Variants in CACNG2 observed in about 807,000 individuals in gnomAD.
The protein encoded by CACNG2 is calcium voltage-gated channel auxiliary subunit gamma 2.
Under a neutral mutation model 25.9 loss-of-function variants are expected in CACNG2, and 3 were observed. The ratio of observed to expected loss-of-function variants is 0.12; its 90% CI spans 0.05 to 0.30. CACNG2 has a LOEUF of 0.30. Ranked by LOEUF, CACNG2 falls within the 10% of genes least tolerant of loss-of-function variation. CACNG2 has a pLI of 1.00. For synonymous variants in CACNG2, 167 were observed against 173.3 expected (o/e 0.96, Z 0.29); for missense variants, 341 against 432.5 (o/e 0.79, Z 1.88).
intron 1 of CACNG2, among the ~76,000 whole-genome samples, chr22:36,652,510 A>AC (rs971521787): frequency 5.9e-5 from 9 of 152,036 alleles, no homozygotes; most frequent in African/African-American, 2.2e-4. Context: ...GGTCTTGCTC[A>AC]CCCTCAGGCC....
At position 36,702,354 on chromosome 22, in the gene CACNG2, G is replaced by T; in HGVS notation, c.211+12C>A. 6.3e-7 allele frequency: 1 copy of T among 1,596,426 alleles called. No homozygotes were observed. Among genetic ancestry groups the T allele is most frequent in the African/African-American group, 1.3e-5 (1 of 74,492 alleles). On this transcript the variant is annotated intron_variant, in intron 1 of 3. Transcript: ENST00000300105. The stretch of plus-strand genomic sequence containing the variant: ...GGGGTGGAGAGGGGGGAGGAGATGG[G>T]AAGTCAAGTACCTTCTAGGCAGCAG...
intron 3 of CACNG2, among the ~76,000 whole-genome samples, chr22:36,565,275 G>C (rs1356167827): frequency 6.6e-6 from 1 of 152,214 alleles, no homozygotes; most frequent in East Asian, 1.9e-4. Flanking sequence ...ACTTGCTTAA[G>C]GCTGCACAGG....
At chr22:36,626,776 T>C (rs962999965) in intron 1 of CACNG2, among the ~76,000 whole-genome samples, 2 of 152,202 alleles carry the variant, frequency 1.3e-5, no homozygotes, top group African/African-American at 4.8e-5. Flanking sequence ...TAAGAGTCTG[T>C]AGCTATACAT....
At position 36,625,179 on chromosome 22, in the gene CACNG2, C is replaced by T. The variant is rs540049256; in HGVS notation, c.212-37631G>A. ...CAATCCCTGGCAGGGGAATGCAGGA[C>T]GTTTCAAAAATTAAAATAGTTTCTG... is the stretch of plus-strand genomic sequence containing the variant. On this transcript the variant is annotated intron_variant, in intron 1 of 3. Transcript: ENST00000300105. Among the ~76,000 whole-genome samples the T allele has an allele frequency of 5.3e-5, 8 of 152,122 alleles. No individual in the cohort carries two copies. In the South Asian group the frequency reaches 8.3e-4, roughly 16 times the overall value.
At chr22:36,697,524 T>C (rs1937355707) in intron 1 of CACNG2, among the ~76,000 whole-genome samples, 1 of 152,228 alleles carries the variant, frequency 6.6e-6, no homozygotes, top group Non-Finnish European at 1.5e-5. Context: ...CTGCCTGCCA[T>C]GTGACTTTGG....
At chr22:36,667,617 G>A (rs969062327) in intron 1 of CACNG2, among the ~76,000 whole-genome samples, 3 of 152,134 alleles carry the variant, frequency 2.0e-5, no homozygotes, top group South Asian at 2.1e-4. Flanking sequence ...TGGGAGATAC[G>A]GAACCCACGG....
chr22:36,680,376 TACC>T (rs1163137421), intron 1 of CACNG2, among the ~76,000 whole-genome samples: 1 of 100,206 alleles, frequency 1.0e-5, no homozygotes, highest in Non-Finnish European at 2.1e-5. Flanking sequence ...TCATCACCAT[TACC>T]ACCACCATCA....
At chr22:36,687,378 G>A (rs1278349270) in intron 1 of CACNG2, among the ~76,000 whole-genome samples, 1 of 152,168 alleles carries the variant, frequency 6.6e-6, no homozygotes, top group African/African-American at 2.4e-5. Flanking sequence ...TCTTCCAGGT[G>A]TACTATTCCA....
At chr22:36,699,171 A>G (rs561633331) in intron 1 of CACNG2, among the ~76,000 whole-genome samples, 42 of 151,846 alleles carry the variant, frequency 2.8e-4, no homozygotes, top group African/African-American at 9.0e-4. Flanking sequence ...CCACATACAC[A>G]CTGTCATCTC....
At chr22:36,666,199 G>A (rs1052974620) in intron 1 of CACNG2, among the ~76,000 whole-genome samples, 2 of 152,180 alleles carry the variant, frequency 1.3e-5, no homozygotes, top group African/African-American at 4.8e-5. Context: ...TAGCCTAGGA[G>A]TTTGAGACCA....
chr22:36,600,878 ATACTT>A (rs1385684466), intron 1 of CACNG2, among the ~76,000 whole-genome samples: 1 of 152,084 alleles, frequency 6.6e-6, no homozygotes, highest in Non-Finnish European at 1.5e-5. Flanking sequence ...TTTATTGTGT[ATACTT>A]TAAGGTATCC....
chr22:36,644,951 C>A (rs1030963996), intron 1 of CACNG2, among the ~76,000 whole-genome samples: 2 of 152,154 alleles, frequency 1.3e-5, no homozygotes, highest in African/African-American at 2.4e-5. Context: ...GCTGTGATGA[C>A]AGATGACATA....
chr22:36,688,493 T>C (rs948062759), intron 1 of CACNG2, among the ~76,000 whole-genome samples: 7 of 149,190 alleles, frequency 4.7e-5, no homozygotes, highest in Non-Finnish European at 1.0e-4. Flanking sequence ...TGAGCCATGA[T>C]TGCACCACTG....
At chr22:36,651,549 A>G (rs1212818901) in intron 1 of CACNG2, among the ~76,000 whole-genome samples, 1 of 152,118 alleles carries the variant, frequency 6.6e-6, no homozygotes, top group African/African-American at 2.4e-5. Flanking sequence ...TATTCTAACA[A>G]GGTGCTCCAT....
chr22:36,592,334 C>T (rs1225870651), intron 1 of CACNG2, among the ~76,000 whole-genome samples: 2 of 151,774 alleles, frequency 1.3e-5, no homozygotes, highest in Non-Finnish European at 2.9e-5. Flanking sequence ...TGGGAGTGAG[C>T]TGCAACGGTG....
chr22:36,623,179 T>C (rs1412095818), intron 1 of CACNG2, among the ~76,000 whole-genome samples: 7 of 151,060 alleles, frequency 4.6e-5, no homozygotes, highest in African/African-American at 1.2e-4. Context: ...CACCTCCATG[T>C]TGGGCTAATT....
At chr22:36,627,767 C>T (rs1164792599) in intron 1 of CACNG2, among the ~76,000 whole-genome samples, 4 of 151,900 alleles carry the variant, frequency 2.6e-5, no homozygotes, top group East Asian at 1.9e-4. Flanking sequence ...GGACTACAGG[C>T]GTGCGCCACC....
chr22:36,597,221 G>A (rs1252279237), intron 1 of CACNG2, among the ~76,000 whole-genome samples: 4 of 152,104 alleles, frequency 2.6e-5, no homozygotes, highest in African/African-American at 7.2e-5. Context: ...GTGGGGTTTC[G>A]CCATGTTGGC....
chr22:36,680,448 C>T (rs1399955096), intron 1 of CACNG2, among the ~76,000 whole-genome samples: 1 of 150,920 alleles, frequency 6.6e-6, no homozygotes, highest in Non-Finnish European at 1.5e-5. Flanking sequence ...TCACCACCAT[C>T]ACCATCACCA....
Sources: allele counts gnomAD v4.1 joint callset (sites outside exome capture counted in the v4.1 genomes callset), GRCh38; gene constraint gnomAD v4.1.1; transcripts MANE v1.5; gene names NCBI Gene and HGNC (gene_info 2026-07-23, HGNC 2026-07-21).